The following MAP4K5 variants were observed in gnomAD, a reference collection of about 807,000 sequenced individuals.
The protein encoded by MAP4K5 is mitogen-activated protein kinase kinase kinase kinase 5, also known as MAPK/ERK kinase kinase kinase 5.
In MAP4K5, 82 loss-of-function variants were observed where a neutral mutation model predicts 135.6. The observed-to-expected ratio is 0.60, with a 90% CI of 0.51 to 0.73. The LOEUF is 0.73. Ranked by LOEUF, MAP4K5 falls within the 30% of genes least tolerant of loss-of-function variation. The pLI is 0.00. For synonymous variants in MAP4K5, 347 were observed against 335.0 expected (o/e 1.04, Z -0.39); for missense variants, 907 against 1,010.9 (o/e 0.90, Z 1.39).
At chr14:50,550,923 T>G (rs550928727) in intron 1 of MAP4K5, among the ~76,000 whole-genome samples, 2 of 152,172 alleles carry the variant, frequency 1.3e-5, no homozygotes, top group East Asian at 3.9e-4. Flanking sequence ...GTCATAGCAT[T>G]AAATGCTTAC....
intron 2 of MAP4K5, among the ~76,000 whole-genome samples, chr14:50,538,872 T>C (rs2038526256): frequency 6.6e-6 from 1 of 152,222 alleles, no homozygotes; most frequent in Admixed American, 6.5e-5. Context: ...GCAGTGGCTA[T>C]TAACAAGTGC....
chr14:50,487,145 G>GT (rs1438598162), intron 3 of MAP4K5, among the ~76,000 whole-genome samples: 1 of 152,038 alleles, frequency 6.6e-6, no homozygotes, highest in African/African-American at 2.4e-5. Context: ...CATCTATTTA[G>GT]TTTCATACAA....
At chr14:50,553,080 A>G (rs532703108) in intron 1 of MAP4K5, among the ~76,000 whole-genome samples, 2 of 152,202 alleles carry the variant, frequency 1.3e-5, no homozygotes, top group South Asian at 4.1e-4. Flanking sequence ...AGATTACTTG[A>G]GGTCAGGAGT....
At chr14:50,451,750 G>A (rs1448947862) in intron 14 of MAP4K5, among the ~76,000 whole-genome samples, 2 of 151,280 alleles carry the variant, frequency 1.3e-5, no homozygotes, top group East Asian at 1.9e-4. Flanking sequence ...ATAGCTTGTC[G>A]AAAAGCCTCA....
chr14:50,543,398 A>G lies in MAP4K5; in HGVS notation c.-179-814T>C, dbSNP rs560445646. On this transcript the variant is annotated intron_variant, in intron 1 of 8. Transcript: ENST00000555216. The stretch of plus-strand genomic sequence containing the variant: ...CCTGTCATCATGGGAATAGATACAT[A>G]TTCTAGGTAGAGGTTTACCTTCCCT... 3.9e-5 allele frequency among the ~76,000 whole-genome samples: 6 copies of G among 152,354 alleles called. No individual in the cohort carries two copies. The East Asian group carries it at 9.6e-4, about 24-fold the overall frequency.
chr14:50,519,562 G>C (rs1426505102), intron 2 of MAP4K5, among the ~76,000 whole-genome samples: 1 of 152,080 alleles, frequency 6.6e-6, no homozygotes, highest in Non-Finnish European at 1.5e-5. Context: ...ACTGAAGCAG[G>C]AGAATTGCTT....
chr14:50,499,492 T>A (rs1046982733), intron 3 of MAP4K5, among the ~76,000 whole-genome samples: 3 of 152,044 alleles, frequency 2.0e-5, no homozygotes, highest in African/African-American at 7.2e-5. Flanking sequence ...ACTCTGTCTC[T>A]ACTAAAAATA....
At chr14:50,555,830 G>A (rs946096414) in intron 1 of MAP4K5, among the ~76,000 whole-genome samples, 3 of 152,114 alleles carry the variant, frequency 2.0e-5, no homozygotes, top group African/African-American at 7.2e-5. Context: ...GCCATTTTGT[G>A]TTACCGCCAA....
chr14:50,425,993 G>A lies in MAP4K5; in HGVS notation c.2327-16C>T. The stretch of plus-strand genomic sequence containing the variant: ...TGAAGGCATACTAAAAATGATAAGG[G>A]AGAAGTGAAACTAATATAAAGCACA... On this transcript the variant is annotated splice_polypyrimidine_tract_variant and intron_variant, in intron 30 of 32. Transcript: ENST00000682126. 1 of 1,532,194 alleles carries A rather than the reference G, an allele frequency of 6.5e-7. No individual in the cohort carries two copies. The highest frequency in any genetic ancestry group is 9.0e-7 in the Non-Finnish European group (1 of 1,107,782). The allele number at this position is 1,532,194 out of a possible 1,614,324, so 94.9% of individuals were successfully genotyped here.
intron 9 of MAP4K5, among the ~76,000 whole-genome samples, chr14:50,469,215 T>A (rs1352663415): frequency 6.6e-6 from 1 of 152,190 alleles, no homozygotes; most frequent in Non-Finnish European, 1.5e-5. Flanking sequence ...GACAGGACAG[T>A]GCTCAATGTA....
At chr14:50,502,964 G>A (rs1238479105) in intron 3 of MAP4K5, among the ~76,000 whole-genome samples, 4 of 151,664 alleles carry the variant, frequency 2.6e-5, no homozygotes, top group Non-Finnish European at 1.5e-5. Flanking sequence ...AGGAAAAACT[G>A]GAAGAAATTA....
intron 2 of MAP4K5, among the ~76,000 whole-genome samples, chr14:50,527,133 G>T (rs752606217): frequency 1.3e-5 from 2 of 152,160 alleles, no homozygotes; most frequent in Non-Finnish European, 2.9e-5. Flanking sequence ...GAGGTCAGGA[G>T]ATTGAGACCA....
At chr14:50,453,236 C>T (rs1008095144) in intron 14 of MAP4K5, among the ~76,000 whole-genome samples, 4 of 148,998 alleles carry the variant, frequency 2.7e-5, no homozygotes, top group South Asian at 4.2e-4. Context: ...TCCTAGGTAA[C>T]GACTCAACCA....
rs1310843778 is a variant in MAP4K5 at position 50,523,750 on chromosome 14, G to C, written c.108+8192C>G. Among the ~76,000 whole-genome samples the C allele has an allele frequency of 2.6e-5, 4 of 152,084 alleles. No homozygotes were observed. The South Asian group carries it at 8.3e-4, about 32-fold the overall frequency. On this transcript the variant is annotated intron_variant, in intron 2 of 32. Transcript: ENST00000682126. ...CCACTAAAATTTGAGTTCCATGAGG[G>C]GAGGAATCTTTGTCCGCTTTGTTCA...
chr14:50,549,251 AC>A (rs1273450875), intron 1 of MAP4K5, among the ~76,000 whole-genome samples: 2 of 152,212 alleles, frequency 1.3e-5, no homozygotes, highest in East Asian at 3.8e-4. Context: ...TGGTCATGGT[AC>A]AAATGGATAC....
At chr14:50,502,134 G>A (rs1035741335) in intron 3 of MAP4K5, among the ~76,000 whole-genome samples, 1 of 152,116 alleles carries the variant, frequency 6.6e-6, no homozygotes, top group Non-Finnish European at 1.5e-5. Flanking sequence ...TTATGGGAAC[G>A]CTAAGCACGT....
intron 3 of MAP4K5, among the ~76,000 whole-genome samples, chr14:50,489,160 G>T (rs2037430009): frequency 6.6e-6 from 1 of 152,214 alleles, no homozygotes; most frequent in Non-Finnish European, 1.5e-5. Flanking sequence ...TTGCTCACCA[G>T]CCTGGGCAAC....
intron 17 of MAP4K5, 44 bp downstream of exon 17, chr14:50,446,035 T>C (rs779892419): frequency 2.4e-6 from 3 of 1,271,894 alleles, no homozygotes; most frequent in African/African-American, 1.6e-5. Context: ...TTAACTATAT[T>C]ATTTAAATAA....
intron 1 of MAP4K5, among the ~76,000 whole-genome samples, chr14:50,544,389 G>A (rs150998153): frequency 6.6e-5 from 10 of 152,272 alleles, no homozygotes; most frequent in Admixed American, 6.5e-5. Flanking sequence ...ACACTCCCCC[G>A]TCTTAGGGAA....
Sources: gnomAD v4.1 joint callset for allele counts (sites outside exome capture counted in the v4.1 genomes callset) on GRCh38, gnomAD v4.1.1 for gene constraint, MANE v1.5 for transcripts, NCBI Gene and HGNC (gene_info 2026-07-23, HGNC 2026-07-21) for gene names.